The following CROT variants were observed in gnomAD, a reference collection of about 807,000 sequenced individuals.
CROT encodes peroxisomal carnitine O-octanoyltransferase.
CROT carries 84 observed loss-of-function variants against 89.2 expected under a neutral mutation model. That is an observed-to-expected ratio of 0.94 (90% CI 0.79 to 1.13). The LOEUF (loss-of-function observed/expected upper bound fraction) is 1.13. CROT is among the 50% of genes most tolerant of loss of function. CROT has a pLI of 0.00. For missense variants in CROT, 711 were observed against 727.8 expected, an observed-to-expected ratio of 0.98 and a Z score of 0.27; for synonymous variants, 212 against 239.5, an observed-to-expected ratio of 0.89 and a Z score of 1.06.
chr7:87,356,228 A>T (rs147318205), intron 3 of CROT, among the ~76,000 whole-genome samples: 1 of 152,200 alleles, frequency 6.6e-6, no homozygotes, highest in Non-Finnish European at 1.5e-5. Flanking sequence ...CCCATATTAT[A>T]AACATTTCTT....
chr7:87,369,511 A>C (rs747465028), intron 7 of CROT, 27 bp downstream of exon 7: 2 of 1,493,786 alleles, frequency 1.3e-6, no homozygotes, highest in Non-Finnish European at 9.3e-7. Context: ...CTTGAGTTTC[A>C]TTAGGTCTTA....
rs563480414 is a variant in CROT, at chr7:87,354,767, A to T, written c.116-4439A>T. ...AACAGTTTATAAAAGTAAAAGTAAA[A>T]TTTCTTGTAATTTTATTAAGAGCAG... On this transcript the variant is annotated intron_variant, in intron 3 of 17. Transcript: ENST00000331536. 1.3e-4 allele frequency among the ~76,000 whole-genome samples: 20 copies of T among 152,330 alleles called. No homozygotes were observed. In the East Asian group the frequency reaches 3.7e-3, roughly 28 times the overall value.
At chr7:87,359,988 G>T in intron 4 of CROT, 1 of 981,926 alleles carries the variant, frequency 1.0e-6, no homozygotes, top group Non-Finnish European at 1.2e-6. Context: ...GAAATAAAAA[G>T]CAAGCTGATT....
intron 10 of CROT, 51 bp downstream of exon 10, chr7:87,377,501 T>C: frequency 1.9e-6 from 2 of 1,066,148 alleles, no homozygotes; most frequent in Non-Finnish European, 1.4e-6. Context: ...GTTAAATTAA[T>C]GACAATAAAC....
Position 87,352,550 on chromosome 7 carries a change from C to T in CROT, c.115+3367C>T, listed in dbSNP as rs1805902281. Among the ~76,000 whole-genome samples, 3 of 152,144 alleles carry T rather than the reference C, an allele frequency of 2.0e-5. No individual in the cohort carries two copies. In the South Asian group the frequency reaches 6.2e-4, roughly 32 times the overall value. On this transcript the variant is annotated intron_variant, in intron 3 of 17. Coordinates refer to ENST00000331536, the MANE Select transcript of CROT (RefSeq NM_021151.4). ...AAGCTATTTTAATCTTGACTTGTAGCAATTAGCCATATAAAATACAACATT... is the reference window on the plus strand; with the variant it reads ...AAGCTATTTTAATCTTGACTTGTAGTAATTAGCCATATAAAATACAACATT...
At chr7:87,351,407 T>C (rs1231937498) in intron 3 of CROT, among the ~76,000 whole-genome samples, 2 of 152,036 alleles carry the variant, frequency 1.3e-5, no homozygotes, top group Non-Finnish European at 2.9e-5. Context: ...GCCTATTTGA[T>C]ATGCCAAGGT....
At chr7:87,385,843 G>A (rs575826312) in intron 13 of CROT, among the ~76,000 whole-genome samples, 1 of 152,196 alleles carries the variant, frequency 6.6e-6, no homozygotes, top group African/African-American at 2.4e-5. Context: ...TTGTTTTGAT[G>A]TATATTTCTT....
intron 3 of CROT, among the ~76,000 whole-genome samples, chr7:87,354,745 A>C (rs987663930): frequency 1.3e-5 from 2 of 152,246 alleles, no homozygotes; most frequent in African/African-American, 4.8e-5. Context: ...TAAAAGAAAC[A>C]GTTTATAAAA....
At chr7:87,346,680 C>G (rs1318693942) in intron 2 of CROT, among the ~76,000 whole-genome samples, 1 of 152,198 alleles carries the variant, frequency 6.6e-6, no homozygotes, top group Non-Finnish European at 1.5e-5. Context: ...GGGTATGTAA[C>G]TAATACTCTT....
At chr7:87,349,475 G>A (rs531058269) in intron 3 of CROT, among the ~76,000 whole-genome samples, 2 of 152,320 alleles carry the variant, frequency 1.3e-5, no homozygotes, top group South Asian at 4.1e-4. Flanking sequence ...ATGTGAGGGT[G>A]AGCAGACAGC....
At position 87,382,137 on chromosome 7, in the gene CROT, G is replaced by A; in HGVS notation, c.1126G>A (p.Val376Ile). ...GCTCATTTTCATTGTGGATGAGAAA[G>A]TTTTAAATGACATCAACCAAGCTAA... ...EELIFIVDEK[V>I]LNDINQAKAQ... Residue 376 changes from valine (V) to isoleucine (I), a missense_variant, in exon 12 of 18, where the codon GTT becomes ATT. Transcript: ENST00000331536. 1.2e-6 allele frequency: 2 copies of A among 1,613,596 alleles called. No homozygotes were observed. Among genetic ancestry groups the A allele is most frequent in the Non-Finnish European group, 1.7e-6 (2 of 1,179,718 alleles).
chr7:87,392,402 G>T (rs931041348), intron 14 of CROT, among the ~76,000 whole-genome samples, 164 bp from the exon 15 acceptor site: 1 of 152,116 alleles, frequency 6.6e-6, no homozygotes, highest in South Asian at 2.1e-4. Context: ...AAGACTAGGC[G>T]ATAGAATAAC....
intron 2 of CROT, among the ~76,000 whole-genome samples, chr7:87,347,825 A>G (rs1158742822): frequency 6.6e-6 from 1 of 152,164 alleles, no homozygotes; most frequent in East Asian, 1.9e-4. Flanking sequence ...AGCAGGTAGT[A>G]AAAAGGAGGG....
intron 5 of CROT, 26 bp downstream of exon 5, chr7:87,361,597 C>T (rs1489150256): frequency 2.6e-6 from 4 of 1,562,726 alleles, no homozygotes; most frequent in East Asian, 2.3e-5. Flanking sequence ...AATTTAGTGA[C>T]AGGCTTACCT....
At position 87,381,897 on chromosome 7, in the gene CROT, G is replaced by C. The variant is rs771776076; in HGVS notation, c.979-13G>C. 6.4e-7 allele frequency: 1 copy of C among 1,573,986 alleles called. No homozygotes were observed. Among genetic ancestry groups the C allele is most frequent in the Admixed American group, 1.8e-5 (1 of 55,576 alleles). ...CATAAAGTATTCAGAAATCTTGTGT[G>C]TTCTCATTTTAGCATGCTCCTTTTG... On this transcript the variant is annotated splice_polypyrimidine_tract_variant and intron_variant, in intron 10 of 17. Transcript: ENST00000331536.
chr7:87,383,372 C>T (rs1235630910), intron 13 of CROT, among the ~76,000 whole-genome samples: 1 of 152,028 alleles, frequency 6.6e-6, no homozygotes, highest in Non-Finnish European at 1.5e-5. Context: ...ATTTGTCTTT[C>T]TATTTCTGGA....
intron 4 of CROT, among the ~76,000 whole-genome samples, chr7:87,361,097 T>C (rs2115838979): frequency 6.6e-6 from 1 of 152,096 alleles, no homozygotes; most frequent in Non-Finnish European, 1.5e-5. Context: ...GCCTCTTGAG[T>C]AGCTAAGACT....
intron 3 of CROT, chr7:87,354,469 A>G (rs758391067): frequency 2.0e-6 from 1 of 493,058 alleles, no homozygotes; most frequent in South Asian, 1.5e-5. Context: ...TAGGAACAGC[A>G]TTAGTTTTTT....
chr7:87,358,620 A>C (rs1806176006), intron 3 of CROT, among the ~76,000 whole-genome samples: 1 of 151,910 alleles, frequency 6.6e-6, no homozygotes, highest in African/African-American at 2.4e-5. Flanking sequence ...TTAAAAAATG[A>C]TAAGGAAGAG....
Sources: allele counts gnomAD v4.1 joint callset (sites outside exome capture counted in the v4.1 genomes callset), GRCh38; gene constraint gnomAD v4.1.1; transcripts MANE v1.5; gene names NCBI Gene and HGNC (gene_info 2026-07-23, HGNC 2026-07-21).